Variants in NRG1 observed in about 807,000 individuals in gnomAD.
The protein encoded by NRG1 is neuregulin 1.
NRG1 carries 18 observed loss-of-function variants against 63.8 expected under a neutral mutation model. The observed-to-expected ratio is 0.28, with a 90% confidence interval of 0.19 to 0.42. The LOEUF (loss-of-function observed/expected upper bound fraction) is 0.42. Among genes scored for constraint, NRG1 ranks in the 10% least tolerant of loss-of-function variants. The pLI, the probability that NRG1 is intolerant of heterozygous loss-of-function variation, is 1.00. For synonymous variants in NRG1, 302 were observed against 301.3 expected (o/e 1.00, Z -0.02); for missense variants, 762 against 814.7 (o/e 0.94, Z 0.79).
chr8:32,180,850 A>T (rs1841358409), intron 1 of NRG1, among the ~76,000 whole-genome samples: 1 of 152,050 alleles, frequency 6.6e-6, no homozygotes, highest in African/African-American at 2.4e-5. Context: ...TAGTCCTCTT[A>T]GAATTATTCC....
intron 1 of NRG1, among the ~76,000 whole-genome samples, chr8:31,775,671 C>T (rs984225679): frequency 1.3e-5 from 2 of 151,814 alleles, no homozygotes; most frequent in Admixed American, 1.3e-4. Context: ...ATCATGATGT[C>T]AGGAGATCGA....
chr8:31,723,206 T>A (rs1585930771), intron 1 of NRG1, among the ~76,000 whole-genome samples: 1 of 152,254 alleles, frequency 6.6e-6, no homozygotes, highest in East Asian at 1.9e-4. Context: ...GATTATTGGT[T>A]TAGAGTGGTG....
At chr8:32,167,648 G>A (rs976910743) in intron 1 of NRG1, among the ~76,000 whole-genome samples, 3 of 152,154 alleles carry the variant, frequency 2.0e-5, no homozygotes, top group Non-Finnish European at 4.4e-5. Flanking sequence ...TGTAGGAAAT[G>A]GCTAAATGGG....
intron 1 of NRG1, among the ~76,000 whole-genome samples, chr8:31,863,868 A>C (rs1001238844): frequency 3.3e-5 from 5 of 152,178 alleles, no homozygotes; most frequent in African/African-American, 1.2e-4. Flanking sequence ...GGGCATACCC[A>C]TGTCAAAGTA....
intron 1 of NRG1, among the ~76,000 whole-genome samples, chr8:32,439,771 A>ATTTT (rs11306096): frequency 7.5e-6 from 1 of 133,500 alleles, no homozygotes. Flanking sequence ...CGAATAAGTG[A>ATTTT]TTTTTTTTTT....
At chr8:32,393,734 G>A (rs948214078) in intron 1 of NRG1, among the ~76,000 whole-genome samples, 1 of 152,104 alleles carries the variant, frequency 6.6e-6, no homozygotes, top group African/African-American at 2.4e-5. Flanking sequence ...GCCTATTGAG[G>A]GTGGAGGGTG....
intron 1 of NRG1, among the ~76,000 whole-genome samples, chr8:31,829,979 G>T (rs1274645681): frequency 5.9e-5 from 9 of 152,196 alleles, no homozygotes; most frequent in Non-Finnish European, 1.3e-4. Flanking sequence ...ATACATGAAT[G>T]GTGGGGCATA....
intron 1 of NRG1, among the ~76,000 whole-genome samples, chr8:32,527,337 A>C (rs553273053): frequency 6.6e-6 from 1 of 152,240 alleles, no homozygotes; most frequent in African/African-American, 2.4e-5. Flanking sequence ...CTAAGCCATA[A>C]AAAATAAAAT....
At chr8:32,133,915 G>A (rs2131655603) in intron 1 of NRG1, among the ~76,000 whole-genome samples, 1 of 152,240 alleles carries the variant, frequency 6.6e-6, no homozygotes, top group South Asian at 2.1e-4. Flanking sequence ...TGGGCCACAG[G>A]ATAATTTAAG....
chr8:31,722,820 C>G (rs1421224328), intron 1 of NRG1, among the ~76,000 whole-genome samples: 1 of 152,046 alleles, frequency 6.6e-6, no homozygotes, highest in Non-Finnish European at 1.5e-5. Context: ...CCATATTACT[C>G]CCATTTCTTT....
At chr8:31,903,306 G>A (rs1411357372) in intron 1 of NRG1, among the ~76,000 whole-genome samples, 1 of 151,816 alleles carries the variant, frequency 6.6e-6, no homozygotes, top group Non-Finnish European at 1.5e-5. Context: ...CCACTACCAT[G>A]CCTGGCTATT....
intron 1 of NRG1, among the ~76,000 whole-genome samples, chr8:31,767,885 GTAAATGATATATACT>G (rs1269326836): frequency 1.6e-4 from 24 of 147,598 alleles, no homozygotes; most frequent in African/African-American, 5.7e-4. Context: ...ATCTTCATAA[GTAAATGATATATACT>G]TAAATACAAA....
At chr8:31,927,470 A>G (rs1431614360) in intron 1 of NRG1, among the ~76,000 whole-genome samples, 5 of 109,658 alleles carry the variant, frequency 4.6e-5, no homozygotes, top group African/African-American at 1.5e-4. Flanking sequence ...TTTTTTTGAG[A>G]CGGAGTCTCG....
At chr8:32,702,121 A>T (rs1280350461) in intron 5 of NRG1, among the ~76,000 whole-genome samples, 1 of 152,206 alleles carries the variant, frequency 6.6e-6, no homozygotes, top group Non-Finnish European at 1.5e-5. Context: ...CTGTTGTGGG[A>T]ATACGAGTCA....
intron 1 of NRG1, among the ~76,000 whole-genome samples, chr8:32,265,196 A>G (rs1004393462): frequency 6.6e-6 from 1 of 152,040 alleles, no homozygotes; most frequent in African/African-American, 2.4e-5. Flanking sequence ...TTATCTAAGC[A>G]TAGTGGTGTA....
intron 1 of NRG1, among the ~76,000 whole-genome samples, chr8:32,128,743 A>T (rs914479943): frequency 6.6e-6 from 1 of 151,914 alleles, no homozygotes; most frequent in African/African-American, 2.4e-5. Context: ...AAAATCCTAA[A>T]TATCTTCTCC....
rs541224782 is a variant in NRG1 at position 32,432,852 on chromosome 8, AT to A, written c.38-162971del. On this transcript the variant is annotated intron_variant, in intron 1 of 10. Transcript: ENST00000519301. Reference sequence around the variant, plus strand: ...CCCTTCTCAGGATGATCTTAGATCTATTTTTCAGCAAGTCGCATTCGGGTGG... The same window carrying A: ...CCCTTCTCAGGATGATCTTAGATCTATTTTCAGCAAGTCGCATTCGGGTGG... Among the ~76,000 whole-genome samples, 31 of 152,230 alleles carry A rather than the reference AT, an allele frequency of 2.0e-4. No homozygotes were observed. In the East Asian group the frequency reaches 5.6e-3, roughly 28 times the overall value.
chr8:31,927,377 A>T (rs758413866), intron 1 of NRG1, among the ~76,000 whole-genome samples: 1 of 148,834 alleles, frequency 6.7e-6, no homozygotes, highest in Non-Finnish European at 1.5e-5. Context: ...AGAAATCTGA[A>T]TTTTTTTTTC....
chr8:32,621,873 C>T (rs371630171), intron 5 of NRG1, among the ~76,000 whole-genome samples: 230 of 152,238 alleles, frequency 1.5e-3, no homozygotes, highest in African/African-American at 5.2e-3. Context: ...TGTCACATAA[C>T]GTTTTGCTGC....
Sources: gnomAD v4.1 joint callset for allele counts (sites outside exome capture counted in the v4.1 genomes callset) on GRCh38, gnomAD v4.1.1 for gene constraint, MANE v1.5 for transcripts, NCBI Gene and HGNC (gene_info 2026-07-23, HGNC 2026-07-21) for gene names.